IL23R: variants seen among roughly 807,000 people sequenced by gnomAD.
IL23R encodes interleukin-23 receptor.
Under a neutral mutation model 56.9 loss-of-function variants are expected in IL23R, and 34 were observed. The ratio of observed to expected loss-of-function variants is 0.60; its 90% CI spans 0.45 to 0.80. The LOEUF is 0.80. Among genes scored for constraint, IL23R ranks in the 30% least tolerant of loss-of-function variants. IL23R has a pLI of 0.00. For missense variants in IL23R, 635 were observed against 730.0 expected, an observed-to-expected ratio of 0.87 and a Z score of 1.50; for synonymous variants, 230 against 249.2, an observed-to-expected ratio of 0.92 and a Z score of 0.73.
intron 4 of IL23R, among the ~76,000 whole-genome samples, chr1:67,194,447 C>G (rs1411070829): frequency 6.6e-6 from 1 of 152,136 alleles, no homozygotes; most frequent in African/African-American, 2.4e-5. Flanking sequence ...TGCTGGGAAC[C>G]AGACAGAAAC....
upstream of IL23R, among the ~76,000 whole-genome samples, chr1:67,164,763 A>G (rs72927024): frequency 0.042 from 6,404 of 152,220 alleles, 441 homozygotes; most frequent in African/African-American, 0.15. Flanking sequence ...TTGGAGTCAT[A>G]TGTTGCTTAA....
chr1:67,174,129 T>C (rs987390177), intron 3 of IL23R, among the ~76,000 whole-genome samples: 1 of 152,148 alleles, frequency 6.6e-6, no homozygotes, highest in African/African-American at 2.4e-5. Context: ...TTAAGCCAAA[T>C]ATTTTATATA....
intron 3 of IL23R, among the ~76,000 whole-genome samples, chr1:67,182,302 C>T (rs1021187373): frequency 6.6e-6 from 1 of 152,220 alleles, no homozygotes; most frequent in Non-Finnish European, 1.5e-5. Context: ...AGCTTCCCAG[C>T]CACTTTGTTT....
At chr1:67,253,266 A>T (rs529279076) in intron 9 of IL23R, among the ~76,000 whole-genome samples, 2 of 152,182 alleles carry the variant, frequency 1.3e-5, no homozygotes, top group Non-Finnish European at 2.9e-5. Context: ...TGATGGTATT[A>T]GTAAAGATCT....
intron 7 of IL23R, among the ~76,000 whole-genome samples, chr1:67,222,347 C>T (rs1014368877): frequency 1.3e-5 from 2 of 151,994 alleles, no homozygotes; most frequent in Non-Finnish European, 2.9e-5. Flanking sequence ...GAACTCACGA[C>T]CTCAGGTGAT....
intron 4 of IL23R, among the ~76,000 whole-genome samples, chr1:67,199,957 T>C (rs1648489313): frequency 6.6e-6 from 1 of 152,216 alleles, no homozygotes; most frequent in African/African-American, 2.4e-5. Context: ...CACGGATTGC[T>C]TGAGTCCAGG....
At chr1:67,254,037 C>T (rs1282505120) in intron 9 of IL23R, among the ~76,000 whole-genome samples, 1 of 151,900 alleles carries the variant, frequency 6.6e-6, no homozygotes, top group Non-Finnish European at 1.5e-5. Flanking sequence ...CAGAAGTGAG[C>T]AACAGAAAGC....
At chr1:67,152,687 C>A (rs996230730) in intron 1 of IL23R, among the ~76,000 whole-genome samples, 1 of 152,134 alleles carries the variant, frequency 6.6e-6, no homozygotes, top group Non-Finnish European at 1.5e-5. Context: ...AAGGCCTTTT[C>A]TGCGTCTATT....
chr1:67,238,351 AAAAAGAGG>A (rs1415562802), intron 8 of IL23R, among the ~76,000 whole-genome samples: 2 of 151,316 alleles, frequency 1.3e-5, no homozygotes, highest in East Asian at 3.9e-4. Flanking sequence ...GAAAAAAAAA[AAAAAGAGG>A]AAAAAGAAGA....
At chr1:67,165,863 A>G (rs1036200016), upstream of IL23R, among the ~76,000 whole-genome samples, 6 of 152,192 alleles carry the variant, frequency 3.9e-5, no homozygotes, top group Admixed American at 6.5e-5. Context: ...TGCAGTTATA[A>G]GATGAGTAAG....
intron 7 of IL23R, among the ~76,000 whole-genome samples, chr1:67,227,288 C>G (rs1021100986): frequency 6.6e-6 from 1 of 152,096 alleles, no homozygotes; most frequent in Non-Finnish European, 1.5e-5. Context: ...CCCTTTTTAA[C>G]GAAGAAAAGA....
rs139637175 is a variant in IL23R at position 67,148,863 on chromosome 1, T to C, written c.-634+9702T>C. Among the ~76,000 whole-genome samples, 648 of 152,254 alleles carry C rather than the reference T, an allele frequency of 4.3e-3. 6 individuals carry two copies. The highest frequency in any genetic ancestry group is 0.015 in the African/African-American group (628 of 41,540). The stretch of plus-strand genomic sequence containing the variant: ...ACCTAAACTTCAGAGGCTCTTGTGT[T>C]CCCTGTCTAGCTTAGGGGCCCAGGA... On this transcript the variant is annotated intron_variant, in intron 1 of 10. Coordinates refer to the IL23R transcript ENST00000637002.
chr1:67,218,633 C>G (rs972984162), intron 6 of IL23R, among the ~76,000 whole-genome samples: 41 of 150,936 alleles, frequency 2.7e-4, no homozygotes, highest in Non-Finnish European at 5.6e-4. Flanking sequence ...GAATATATTC[C>G]AAAATTAAGG....
At chr1:67,160,723 C>A (rs904767396) in intron 1 of IL23R, among the ~76,000 whole-genome samples, 1 of 151,978 alleles carries the variant, frequency 6.6e-6, no homozygotes, top group South Asian at 2.1e-4. Context: ...GCTCTGTCAC[C>A]TAGGCTGGAG....
At chr1:67,197,752 TG>T (rs1379368198) in intron 4 of IL23R, among the ~76,000 whole-genome samples, 1 of 152,132 alleles carries the variant, frequency 6.6e-6, no homozygotes, top group Non-Finnish European at 1.5e-5. Context: ...GAGGCTGGCC[TG>T]GGCAATGTGG....
chr1:67,240,140 T>C (rs1199595824), intron 8 of IL23R, 39 bp from the exon 9 acceptor site: 4 of 1,319,164 alleles, frequency 3.0e-6, no homozygotes, highest in Admixed American at 1.7e-5. Context: ...AAATGAAGAC[T>C]AATGCTTGGT....
chr1:67,244,499 A>G (rs550325603), intron 9 of IL23R, among the ~76,000 whole-genome samples: 1 of 152,236 alleles, frequency 6.6e-6, no homozygotes, highest in African/African-American at 2.4e-5. Flanking sequence ...ATAAGGTGCA[A>G]GGAAGGGATC....
chr1:67,229,779 G>A (rs1650977371), intron 7 of IL23R, among the ~76,000 whole-genome samples: 1 of 152,158 alleles, frequency 6.6e-6, no homozygotes, highest in African/African-American at 2.4e-5. Flanking sequence ...ATAGTAACCT[G>A]TTCACAGATT....
chr1:67,239,256 TTTTG>T (rs1253364959), intron 8 of IL23R, among the ~76,000 whole-genome samples: 3 of 151,968 alleles, frequency 2.0e-5, no homozygotes, highest in Non-Finnish European at 2.9e-5. Context: ...AAAGCATTGG[TTTTG>T]TTTGTTTGTT....
Sources: allele counts gnomAD v4.1 joint callset (sites outside exome capture counted in the v4.1 genomes callset), GRCh38; gene constraint gnomAD v4.1.1; transcripts MANE v1.5; gene names NCBI Gene and HGNC (gene_info 2026-07-23, HGNC 2026-07-21).